KIAA2012: variants seen among roughly 807,000 people sequenced by gnomAD.
KIAA2012 encodes the protein uncharacterized protein KIAA2012.
A neutral mutation model predicts 150.6 loss-of-function variants in KIAA2012; 125 were observed. That is an observed-to-expected ratio of 0.83 (90% confidence interval 0.72 to 0.96). The LOEUF is 0.96. Among genes scored for constraint, KIAA2012 ranks in the 40% least tolerant of loss-of-function variants. The pLI is 0.00. For synonymous variants in KIAA2012, 462 were observed against 504.7 expected, an observed-to-expected ratio of 0.92 and a Z score of 1.13; for missense variants, 1,219 against 1,354.9, an observed-to-expected ratio of 0.90 and a Z score of 1.57.
chr2:202,125,943 T>A, intron 12 of KIAA2012: 1 of 203,484 alleles, frequency 4.9e-6, no homozygotes, highest in Middle Eastern at 1.6e-3. Context: ...TGCTTTTTTT[T>A]TTTTTTTTTT....
At chr2:202,161,139 A>G (rs1053683390) in intron 14 of KIAA2012, among the ~76,000 whole-genome samples, 28 of 152,206 alleles carry the variant, frequency 1.8e-4, no homozygotes, top group African/African-American at 5.5e-4. Flanking sequence ...AGTAACTCCT[A>G]TGGTCTGTAA....
Position 202,073,385 on chromosome 2 carries a change from G to A in KIAA2012, c.-243G>A. On this transcript the variant is annotated 5_prime_UTR_variant, in exon 1 of 24. Transcript: ENST00000498697. ...GGTCGCCCAGAGAGTAGACAATCCA[G>A]GGCTTGAGGAGGCTGGCTGTGCGGT... The A allele has an allele frequency of 2.2e-6, 1 of 450,224 alleles. No homozygotes were observed. The highest frequency in any genetic ancestry group is 3.4e-5 in the Admixed American group (1 of 29,426). The allele number at this position is 450,224 out of a possible 1,614,324, so 27.9% of individuals were successfully genotyped here. A position where few individuals can be genotyped will look rare whatever the true frequency, so the allele number is the denominator to read the frequency against.
In KIAA2012 at chr2:202,104,745, T is replaced by G. The variant is rs561625681; in HGVS notation, c.1325-1016T>G. Among the ~76,000 whole-genome samples the G allele has an allele frequency of 2.7e-4, 41 of 152,308 alleles. No homozygotes were observed. The highest frequency in any genetic ancestry group is 7.9e-4 in the African/African-American group (33 of 41,564). On this transcript the variant is annotated intron_variant, in intron 8 of 23. Coordinates refer to ENST00000498697, the MANE Select transcript of KIAA2012 (RefSeq NM_001277372.4). The surrounding 1 kb of genome is among the most constrained non-coding windows in gnomAD (Gnocchi z 4.3). Reference sequence around the variant, plus strand: ...TTGGTTGGGGTGCATATGACAGGTATGTTCCCAGGTGAGTCATTTACTGTG... The same window carrying G: ...TTGGTTGGGGTGCATATGACAGGTAGGTTCCCAGGTGAGTCATTTACTGTG...
chr2:202,135,059 C>T (rs1691032874), intron 12 of KIAA2012, among the ~76,000 whole-genome samples: 2 of 152,184 alleles, frequency 1.3e-5, no homozygotes, highest in Admixed American at 1.3e-4. Context: ...AGAACCCCAT[C>T]TAGTAAGGGT....
intron 21 of KIAA2012, 29 bp from the exon 22 acceptor site, chr2:202,196,771 C>G (rs201083876): frequency 9.2e-5 from 142 of 1,546,202 alleles, no homozygotes; most frequent in Non-Finnish European, 1.1e-4. Flanking sequence ...ATGATCCCTG[C>G]TGAGCCCACC....
Position 202,109,616 on chromosome 2 carries a change from A to T in KIAA2012, c.1478A>T (p.Asp493Val). 6.6e-7 allele frequency: 1 copy of T among 1,517,672 alleles called. No homozygotes were observed. Among genetic ancestry groups the T allele is most frequent in the Non-Finnish European group, 8.8e-7 (1 of 1,135,674 alleles). 94.0% of individuals were successfully genotyped at this position (1,517,672 alleles called of 1,614,324 possible). A position where few individuals can be genotyped will look rare whatever the true frequency, so the allele number is the denominator to read the frequency against. ...TTTTCCCCTTTTGTTTTTAAAGATG[A>T]TGATGCCCCACCTCACGATGTGGCC... is the stretch of plus-strand genomic sequence containing the variant. ...ASRDTLSPQD[D>V]DAPPHDVAPP... is the part of the protein sequence containing the mutation. The change falls in exon 10 of 24, where the codon GAT (aspartate) becomes GTT (valine). Residue 493 changes from aspartate (D) to valine (V), a missense_variant. Asp to Val is a radical substitution (Grantham distance 152). Transcript: ENST00000498697.
At chr2:202,118,975 T>C (rs745468088) in intron 11 of KIAA2012, among the ~76,000 whole-genome samples, 21 of 152,236 alleles carry the variant, frequency 1.4e-4, no homozygotes, top group Non-Finnish European at 2.1e-4. Flanking sequence ...CACCACTTTA[T>C]GGCTTCCGAA....
intron 13 of KIAA2012, among the ~76,000 whole-genome samples, chr2:202,145,047 T>A (rs1333168128): frequency 6.6e-6 from 1 of 152,192 alleles, no homozygotes; most frequent in Non-Finnish European, 1.5e-5. Flanking sequence ...CTCGGGGATG[T>A]CACTAGGCAT....
Position 202,090,913 on chromosome 2 carries a change from T to C in KIAA2012, c.513T>C (p.Tyr171=). 20 of 1,549,872 alleles carry C rather than the reference T, an allele frequency of 1.3e-5. No individual in the cohort carries two copies. The highest frequency in any genetic ancestry group is 1.7e-5 in the Non-Finnish European group (20 of 1,146,462). ...LLRTWPPDAM[Y]RLWCAGYIKD... ...GGACTTGGCCCCCAGACGCCATGTA[T>C]AGGCTCTGGTGCGCAGGTCAGTGGG... is the stretch of plus-strand genomic sequence containing the variant. Residue 171 remains tyrosine, a synonymous_variant, in exon 3 of 24, where the codon TAT becomes TAC. Coordinates refer to ENST00000498697, the MANE Select transcript of KIAA2012 (RefSeq NM_001277372.4).
chr2:202,090,727 AG>A (rs1298397831), intron 2 of KIAA2012, 42 bp from the exon 3 acceptor site: 1 of 1,514,974 alleles, frequency 6.6e-7, no homozygotes, highest in South Asian at 1.3e-5. Context: ...TGGGTGGCTC[AG>A]GGGTCAGCAG....
intron 14 of KIAA2012, among the ~76,000 whole-genome samples, chr2:202,162,928 C>CAAAA (rs530486463): frequency 6.7e-5 from 6 of 90,214 alleles, no homozygotes; most frequent in Non-Finnish European, 1.4e-4. Flanking sequence ...GACTCCGTCT[C>CAAAA]AAAAAAAAAA....
intron 13 of KIAA2012, among the ~76,000 whole-genome samples, chr2:202,148,387 T>C (rs866451550): frequency 6.6e-6 from 1 of 152,148 alleles, no homozygotes; most frequent in African/African-American, 2.4e-5. Context: ...AAAAAATAGA[T>C]GAAGACCAAA....
intron 8 of KIAA2012, 78 bp from the exon 9 acceptor site, chr2:202,105,683 G>A (rs886233146): frequency 1.3e-6 from 2 of 1,501,454 alleles, no homozygotes; most frequent in African/African-American, 2.8e-5. Context: ...GCAGGGAAGG[G>A]ATAGGTCCCC....
At position 202,165,151 on chromosome 2, in the gene KIAA2012, T is replaced by C. The variant is rs1691730137; in HGVS notation, c.2047-133T>C. On this transcript the variant is annotated intron_variant, in intron 14 of 23. Coordinates refer to ENST00000498697, the MANE Select transcript of KIAA2012 (RefSeq NM_001277372.4). Reference sequence around the variant, plus strand: ...CCTTCCTGGAGACTTAAGTAAAAAGTTGACGAAGAAGGAGAAGAAACCACT... The same window carrying C: ...CCTTCCTGGAGACTTAAGTAAAAAGCTGACGAAGAAGGAGAAGAAACCACT... 5.1e-6 allele frequency: 4 copies of C among 783,264 alleles called. No individual in the cohort carries two copies. The South Asian group carries it at 7.2e-5, about 14-fold the overall frequency. 48.5% of individuals were successfully genotyped at this position (783,264 alleles called of 1,614,324 possible).
chr2:202,165,191 C>T (rs1378142378), intron 14 of KIAA2012, 93 bp from the exon 15 acceptor site: 3 of 1,215,556 alleles, frequency 2.5e-6, no homozygotes, highest in Non-Finnish European at 3.5e-6. Context: ...AAACTGGCTT[C>T]CCTCTTACCA....
intron 16 of KIAA2012, among the ~76,000 whole-genome samples, chr2:202,185,084 C>G (rs1216086419): frequency 6.6e-6 from 1 of 152,120 alleles, no homozygotes; most frequent in East Asian, 1.9e-4. Context: ...GAAGTTAACT[C>G]TAACCCTATG....
chr2:202,085,895 C>T (rs138242534), intron 2 of KIAA2012, among the ~76,000 whole-genome samples: 178 of 152,070 alleles, frequency 1.2e-3, no homozygotes, highest in African/African-American at 4.0e-3. Flanking sequence ...AATGGCCAGG[C>T]GCAGTGGCTC....
chr2:202,114,271 A>T (rs1690458865), intron 11 of KIAA2012: 1 of 159,574 alleles, frequency 6.3e-6, no homozygotes, highest in African/African-American at 2.4e-5. Flanking sequence ...AAATTCCTTG[A>T]CCATTGCTGC....
intron 15 of KIAA2012, among the ~76,000 whole-genome samples, chr2:202,173,658 A>G (rs1691939800): frequency 1.3e-5 from 2 of 152,328 alleles, no homozygotes; most frequent in Admixed American, 1.3e-4. Context: ...TAACCAATCA[A>G]ATTCTTAAGC....
Sources: gnomAD v4.1 joint callset for allele counts (sites outside exome capture counted in the v4.1 genomes callset) on GRCh38, gnomAD v4.1.1 for gene constraint, Gnocchi (gnomAD v3.1) non-coding constraint, MANE v1.5 for transcripts, NCBI Gene and HGNC (gene_info 2026-07-23, HGNC 2026-07-21) for gene names.